TPTE: variants seen among roughly 807,000 people sequenced by gnomAD.
The protein encoded by TPTE is transmembrane phosphatase with tensin homology.
In TPTE, 59 loss-of-function variants were observed where a neutral mutation model predicts 84.1. The observed-to-expected ratio is 0.70, with a 90% CI of 0.57 to 0.87. The LOEUF is 0.87. Among genes scored for constraint, TPTE ranks in the 40% least tolerant of loss-of-function variants. The probability of loss-of-function intolerance (pLI) is 0.00; values close to 1 mark genes in which losing one functional copy is unlikely to be tolerated. For missense variants in TPTE, 382 were observed against 659.6 expected, an observed-to-expected ratio of 0.58 and a Z score of 4.61; for synonymous variants, 130 against 223.5, an observed-to-expected ratio of 0.58 and a Z score of 3.73.
intron 7 of TPTE, among the ~76,000 whole-genome samples, chr21:10,546,272 G>T (rs1417119777): frequency 6.6e-6 from 1 of 152,308 alleles, no homozygotes; most frequent in Non-Finnish European, 1.5e-5. Flanking sequence ...GGGGCAACAC[G>T]AACCATGTCC....
intron 9 of TPTE, among the ~76,000 whole-genome samples, chr21:10,560,462 G>C (rs1326003634): frequency 6.6e-6 from 1 of 152,310 alleles, no homozygotes. Flanking sequence ...ATATGTAACA[G>C]CAAGTGGCAG....
chr21:10,599,437 A>G (rs1264806406), intron 21 of TPTE, among the ~76,000 whole-genome samples: 22 of 152,382 alleles, frequency 1.4e-4, no homozygotes, highest in African/African-American at 5.1e-4. Context: ...AGCAGAAGAC[A>G]CACTGTGTGC....
intron 8 of TPTE, among the ~76,000 whole-genome samples, chr21:10,557,390 C>G (rs1447117934): frequency 6.6e-6 from 1 of 152,310 alleles, no homozygotes; most frequent in African/African-American, 2.4e-5. Context: ...TCAGGGTACA[C>G]TGAAACAGAT....
intron 2 of TPTE, among the ~76,000 whole-genome samples, chr21:10,525,383 G>T (rs1209417943): frequency 6.6e-6 from 1 of 152,310 alleles, no homozygotes; most frequent in East Asian, 1.9e-4. Flanking sequence ...ATCCTCATAT[G>T]GTCCTATCTC....
At chr21:10,531,208 G>A (rs1419958165) in intron 3 of TPTE, among the ~76,000 whole-genome samples, 1 of 152,312 alleles carries the variant, frequency 6.6e-6, no homozygotes, top group African/African-American at 2.4e-5. Context: ...ACCGTATGTT[G>A]AAATTTGATC....
At chr21:10,543,014 CTT>C (rs1051322060) in intron 6 of TPTE, among the ~76,000 whole-genome samples, 2 of 72,274 alleles carry the variant, frequency 2.8e-5, no homozygotes, top group Admixed American at 1.9e-4. Context: ...TGACTGTATT[CTT>C]TTTTTTTTTT....
chr21:10,549,406 A>G (rs1261803325), intron 7 of TPTE, among the ~76,000 whole-genome samples: 2 of 152,306 alleles, frequency 1.3e-5, no homozygotes, highest in Non-Finnish European at 2.9e-5. Context: ...AAAAAAGAAT[A>G]ATCTTAAGGA....
chr21:10,596,454 A>T (rs2075590817), intron 20 of TPTE, among the ~76,000 whole-genome samples: 1 of 152,306 alleles, frequency 6.6e-6, no homozygotes, highest in African/African-American at 2.4e-5. Context: ...TCTCAGAACC[A>T]CCTCTAGTTC....
intron 7 of TPTE, among the ~76,000 whole-genome samples, chr21:10,545,335 T>G (rs886256216): frequency 4.6e-5 from 7 of 152,308 alleles, no homozygotes; most frequent in Admixed American, 3.9e-4. Flanking sequence ...TAATATAAGG[T>G]TTTCTTCTAG....
At chr21:10,551,179 C>T (rs553581162) in intron 7 of TPTE, among the ~76,000 whole-genome samples, 18 of 152,394 alleles carry the variant, frequency 1.2e-4, no homozygotes, top group African/African-American at 3.8e-4. Context: ...AGCAAACTGT[C>T]GCAAGGACAA....
At chr21:10,559,363 A>T in intron 8 of TPTE, 131 bp from the exon 9 acceptor site, 4 of 1,386,820 alleles carry the variant, frequency 2.9e-6, no homozygotes, top group Admixed American at 2.6e-5. Flanking sequence ...ATTAGTAAAA[A>T]GCATTTTGTT....
intron 3 of TPTE, among the ~76,000 whole-genome samples, chr21:10,536,761 A>G (rs2074274229): frequency 1.3e-5 from 2 of 152,310 alleles, no homozygotes; most frequent in Admixed American, 1.3e-4. Flanking sequence ...AAAAAGGAAC[A>G]GGGCAAAAAA....
chr21:10,578,669 G>C, intron 17 of TPTE, 64 bp downstream of exon 17: 1 of 1,610,892 alleles, frequency 6.2e-7, no homozygotes, highest in Non-Finnish European at 8.5e-7. Flanking sequence ...TAAAGTACAA[G>C]AACAAGATAC....
chr21:10,595,208 T>C (rs1013614185), intron 19 of TPTE, among the ~76,000 whole-genome samples: 4 of 152,422 alleles, frequency 2.6e-5, no homozygotes, highest in South Asian at 2.1e-4. Flanking sequence ...ACGCATGGCC[T>C]ATTTTTGTAC....
intron 8 of TPTE, among the ~76,000 whole-genome samples, chr21:10,558,502 G>A (rs972572347): frequency 6.6e-6 from 1 of 152,302 alleles, no homozygotes; most frequent in Admixed American, 6.5e-5. Context: ...TCTAATCTGT[G>A]ATATTGAGCT....
chr21:10,599,925 A>G (rs1188642288), intron 21 of TPTE, among the ~76,000 whole-genome samples: 2 of 152,014 alleles, frequency 1.3e-5, no homozygotes, highest in African/African-American at 4.8e-5. Flanking sequence ...TGGCATGATC[A>G]TGGCTCACTG....
chr21:10,556,701 C>G (rs1285086819), intron 8 of TPTE, among the ~76,000 whole-genome samples: 2 of 152,312 alleles, frequency 1.3e-5, no homozygotes, highest in African/African-American at 4.8e-5. Context: ...TCTCCAGCAC[C>G]TGTTGTTTCT....
chr21:10,562,076 G>A (rs2074817080), intron 10 of TPTE, among the ~76,000 whole-genome samples: 2 of 152,312 alleles, frequency 1.3e-5, no homozygotes, highest in South Asian at 4.1e-4. Flanking sequence ...AGTAAGGGAA[G>A]AAAACAAGAG....
intron 8 of TPTE, among the ~76,000 whole-genome samples, chr21:10,557,720 C>T (rs1438298708): frequency 6.6e-6 from 1 of 152,292 alleles, no homozygotes; most frequent in Non-Finnish European, 1.5e-5. Context: ...ACCTAACATC[C>T]TTCATCAAAG....
Sources: gnomAD v4.1 joint callset for allele counts (sites outside exome capture counted in the v4.1 genomes callset) on GRCh38, gnomAD v4.1.1 for gene constraint, MANE v1.5 for transcripts, NCBI Gene and HGNC (gene_info 2026-07-23, HGNC 2026-07-21) for gene names.